Variants in DHX16 observed in about 807,000 individuals in gnomAD.
DHX16 encodes DEAH-box helicase 16.
DHX16 carries 81 observed loss-of-function variants against 131.2 expected under a neutral mutation model. The observed-to-expected ratio is 0.62, with a 90% CI of 0.52 to 0.74. The LOEUF (loss-of-function observed/expected upper bound fraction) is 0.74. Ranked by LOEUF, DHX16 falls within the 30% of genes least tolerant of loss-of-function variation. The pLI, the probability that DHX16 is intolerant of heterozygous loss-of-function variation, is 0.00. For missense variants in DHX16, 980 were observed against 1,363.1 expected, an observed-to-expected ratio of 0.72 and a Z score of 4.43; for synonymous variants, 440 against 520.2, an observed-to-expected ratio of 0.85 and a Z score of 2.10.
In DHX16 at chr6:30,670,695, T is replaced by G; in HGVS notation, c.609+95A>C. ...GAACATCTCACTAGAGACAGCCCCT[T>G]GTCTTCCCAGAGATCACTATCTCTG... is the stretch of plus-strand genomic sequence containing the variant. On this transcript the variant is annotated intron_variant, in intron 3 of 19. Coordinates refer to ENST00000376442, the MANE Select transcript of DHX16 (RefSeq NM_003587.5). The surrounding 1 kb of genome is among the most constrained non-coding windows in gnomAD (Gnocchi z 4.4). 1 of 1,537,650 alleles carries G rather than the reference T, an allele frequency of 6.5e-7. No homozygotes were observed. Among genetic ancestry groups the G allele is most frequent in the Non-Finnish European group, 8.9e-7 (1 of 1,127,156 alleles).
chr6:30,662,664 G>T lies in DHX16; in HGVS notation c.1507C>A (p.Arg503=), dbSNP rs762169796. 1 of 1,613,110 alleles carries T rather than the reference G, an allele frequency of 6.2e-7. No homozygotes were observed. The highest frequency in any genetic ancestry group is 1.1e-5 in the South Asian group (1 of 91,084). ...AGGTCAGGCTCAGAGAGGAACTCCC[G>T]GAGAAGCATCCCATCTGTCATGTAG... is the stretch of plus-strand genomic sequence containing the variant. The part of the protein sequence containing the change: ...LRYMTDGMLL[R]EFLSEPDLAS... The change falls in exon 9 of 20, where the codon CGG becomes AGG. Residue 503 remains arginine (R), a synonymous_variant. Coordinates refer to ENST00000376442, the MANE Select transcript of DHX16 (RefSeq NM_003587.5). The surrounding 1 kb of genome is among the most constrained non-coding windows in gnomAD (Gnocchi z 4.7).
At position 30,662,269 on chromosome 6, in the gene DHX16, C is replaced by T. The variant is rs1055504205; in HGVS notation, c.1544+358G>A. ...GTCGTGTAGGGTCACATAAAACAAT[C>T]TGATCCTTCTTTCCATGTAACAGCC... On this transcript the variant is annotated intron_variant, in intron 9 of 19. Transcript: ENST00000376442. This position sits in a 1 kb window ranked among gnomAD's most constrained non-coding sequence, Gnocchi z 4.7. Among the ~76,000 whole-genome samples the T allele has an allele frequency of 1.3e-5, 2 of 151,432 alleles. No homozygotes were observed. Among genetic ancestry groups the T allele is most frequent in the African/African-American group, 4.9e-5 (2 of 41,200 alleles).
At chr6:30,660,282 G>A in intron 9 of DHX16, 40 bp from the exon 10 acceptor site, 1 of 1,472,932 alleles carries the variant, frequency 6.8e-7, no homozygotes, top group South Asian at 1.4e-5. Context: ...AAGAGCGCTA[G>A]GCAATGCAGT....
Position 30,665,343 on chromosome 6 carries a change from TTAC to T in DHX16, c.922-72_922-70del. 1 of 1,590,370 alleles carries T rather than the reference TTAC, an allele frequency of 6.3e-7. No individual in the cohort carries two copies. The highest frequency in any genetic ancestry group is 8.5e-7 in the Non-Finnish European group (1 of 1,170,250). On this transcript the variant is annotated intron_variant, in intron 5 of 19. Transcript: ENST00000376442. This position sits in a 1 kb window ranked among gnomAD's most constrained non-coding sequence, Gnocchi z 4.8. ...CTCTCTGCCCTCTCCCCTCTTCCCA[TTAC>T]TACCCCCGCCCACTGCCCATTGGGA...
chr6:30,653,728 G>T (rs1042511054), intron 19 of DHX16, among the ~76,000 whole-genome samples: 7 of 136,400 alleles, frequency 5.1e-5, no homozygotes, highest in Non-Finnish European at 1.1e-4. Flanking sequence ...TGACTGCAGG[G>T]CTAGGTGTAA....
chr6:30,653,472 GC>G, intron 19 of DHX16, 102 bp from the exon 20 acceptor site: 1 of 1,356,526 alleles, frequency 7.4e-7, no homozygotes, highest in Non-Finnish European at 9.8e-7. Flanking sequence ...TTGCTCTATT[GC>G]CCAGGCTGGA....
chr6:30,662,939 C>CG lies in DHX16; in HGVS notation c.1399dup (p.Arg467ProfsTer10), dbSNP rs1768654188. The stretch of plus-strand genomic sequence containing the variant: ...ATTCCCAAGCTTCACACCCATCTCC[C>CG]GGGCCACTCGGGCGGCCACACTCAT... On this transcript the variant is annotated frameshift_variant, in exon 8 of 20. Transcript: ENST00000376442. LOFTEE classifies it high-confidence loss of function. The surrounding 1 kb of genome is among the most constrained non-coding windows in gnomAD (Gnocchi z 4.7). The CG allele has an allele frequency of 1.2e-6, 2 of 1,613,252 alleles. No individual in the cohort carries two copies. The highest frequency in any genetic ancestry group is 1.7e-6 in the Non-Finnish European group (2 of 1,180,024).
rs772658706 is a variant in DHX16, at chr6:30,664,889, G to A, written c.1229C>T (p.Ala410Val). 2.9e-5 allele frequency: 46 copies of A among 1,613,386 alleles called. No homozygotes were observed. The highest frequency in any genetic ancestry group is 3.7e-5 in the Non-Finnish European group (44 of 1,180,006). The change falls in exon 7 of 20, where the codon GCT becomes GTT. Residue 410 changes from alanine to valine, a missense_variant. Coordinates refer to ENST00000376442, the MANE Select transcript of DHX16 (RefSeq NM_003587.5). Reference sequence around the variant, plus strand: ...GAGGACTTGGTGATTTGCAATAGCAGCCAGGAGCTCCTCTCGAAATGGGAA... The same window carrying A: ...GAGGACTTGGTGATTTGCAATAGCAACCAGGAGCTCCTCTCGAAATGGGAA... ...PVFPFREELLAAIANHQVLII... is the reference protein window; with the variant it reads ...PVFPFREELLVAIANHQVLII...
At position 30,665,002 on chromosome 6, in the gene DHX16, GAGA is replaced by G. The variant is rs760217373; in HGVS notation, c.1126-13_1126-11del. On this transcript the variant is annotated splice_polypyrimidine_tract_variant and intron_variant, in intron 6 of 19. Coordinates refer to ENST00000376442, the MANE Select transcript of DHX16 (RefSeq NM_003587.5). This position sits in a 1 kb window ranked among gnomAD's most constrained non-coding sequence, Gnocchi z 4.8. The stretch of plus-strand genomic sequence containing the variant: ...GTGGAGCTGACGGCTCCTAAGGAAA[GAGA>G]AGGAGGTGTGAGCTAAATAGCTCGC... 2.1e-4 allele frequency: 332 copies of G among 1,613,920 alleles called. 6 individuals are homozygous for G. In the South Asian group the frequency reaches 3.4e-3, roughly 17 times the overall value.
At chr6:30,661,561 A>C (rs1033992082) in intron 9 of DHX16, among the ~76,000 whole-genome samples, 4 of 152,208 alleles carry the variant, frequency 2.6e-5, no homozygotes, top group African/African-American at 9.6e-5. Flanking sequence ...TCTTTTGGAG[A>C]CAGGAGCAAG....
intron 1 of DHX16, 93 bp from the exon 2 acceptor site, chr6:30,671,367 C>A (rs1769535498): frequency 5.7e-6 from 7 of 1,233,284 alleles, no homozygotes; most frequent in Non-Finnish European, 8.0e-6. Flanking sequence ...ATTACTTAGT[C>A]TTTCCTGCCC....
intron 11 of DHX16, 45 bp downstream of exon 11, chr6:30,659,691 C>T: frequency 6.2e-7 from 1 of 1,612,844 alleles, no homozygotes; most frequent in Non-Finnish European, 8.5e-7. Context: ...CCGGCCCTGT[C>T]TTCCCCTGGG....
At position 30,656,925 on chromosome 6, in the gene DHX16, C is replaced by G; in HGVS notation, c.2148+27G>C. Reference sequence around the variant, plus strand: ...TTCTCTGTGGGCCAACTCCACCTCCCCCACTCCCATGCATCCCCAGGCTGA... The same window carrying G: ...TTCTCTGTGGGCCAACTCCACCTCCGCCACTCCCATGCATCCCCAGGCTGA... On this transcript the variant is annotated intron_variant, in intron 13 of 19. Coordinates refer to ENST00000376442, the MANE Select transcript of DHX16 (RefSeq NM_003587.5). This position sits in a 1 kb window ranked among gnomAD's most constrained non-coding sequence, Gnocchi z 5.1. 6.2e-7 allele frequency: 1 copy of G among 1,604,852 alleles called. No individual in the cohort carries two copies. Among genetic ancestry groups the G allele is most frequent in the East Asian group, 2.2e-5 (1 of 44,762 alleles).
intron 9 of DHX16, chr6:30,661,654 T>C (rs1768527972): frequency 1.0e-5 from 7 of 686,440 alleles, no homozygotes; most frequent in South Asian, 3.1e-5. Flanking sequence ...TGACACCTTC[T>C]TTCTCTTTGT....
chr6:30,665,572 C>A lies in DHX16; in HGVS notation c.828G>T (p.Val276=). The A allele has an allele frequency of 1.2e-6, 2 of 1,613,056 alleles. No individual in the cohort carries two copies. Among genetic ancestry groups the A allele is most frequent in the Non-Finnish European group, 1.7e-6 (2 of 1,180,046 alleles). ...CCCGGTACTCCCGGGCGAGATCCCGCACTCGCCGCTTATATTTGAGCTCCT... is the reference window on the plus strand; with the variant it reads ...CCCGGTACTCCCGGGCGAGATCCCGAACTCGCCGCTTATATTTGAGCTCCT... The part of the protein sequence containing the change: ...ERQELKYKRR[V]RDLAREYRAA... The change falls in exon 5 of 20, where the codon GTG becomes GTT. Residue 276 remains valine, a synonymous_variant. Transcript: ENST00000376442. This position sits in a 1 kb window ranked among gnomAD's most constrained non-coding sequence, Gnocchi z 4.8.
Position 30,671,038 on chromosome 6 carries a change from T to C in DHX16, c.444A>G (p.Thr148=). ...EEASEKGKKK[T]GGSKQQTEKP... is the part of the protein sequence containing the mutation. ...CTCTCACCCTGCTTCTGACTTACCC[T>C]GTTTTCTTCTTCCCTTTCTCAGAAG... The change falls in exon 2 of 20, where the codon ACA becomes ACG. Residue 148 remains threonine (T), a splice_region_variant and synonymous_variant. Coordinates refer to ENST00000376442, the MANE Select transcript of DHX16 (RefSeq NM_003587.5). 1 of 1,613,044 alleles carries C rather than the reference T, an allele frequency of 6.2e-7. No homozygotes were observed. Among genetic ancestry groups the C allele is most frequent in the Non-Finnish European group, 8.5e-7 (1 of 1,179,998 alleles).
At position 30,671,055 on chromosome 6, in the gene DHX16, T is replaced by C; in HGVS notation, c.427A>G (p.Lys143Glu). 6.2e-7 allele frequency: 1 copy of C among 1,613,074 alleles called. No individual in the cohort carries two copies. The highest frequency in any genetic ancestry group is 1.3e-5 in the African/African-American group (1 of 75,030). ...EEEEEEEASE[K>E]GKKKTGGSKQ... The stretch of plus-strand genomic sequence containing the variant: ...ACTTACCCTGTTTTCTTCTTCCCTT[T>C]CTCAGAAGCCTCTTCCTCCTCTTCT... Residue 143 changes from lysine to glutamate, a missense_variant, in exon 2 of 20, where the codon AAA (lysine) becomes GAA (glutamate). Physicochemically the swap from Lys to Glu is moderately conservative, Grantham distance 56 (BLOSUM62 1). Coordinates refer to ENST00000376442, the MANE Select transcript of DHX16 (RefSeq NM_003587.5).
At position 30,659,443 on chromosome 6, in the gene DHX16, G is replaced by C. The variant is rs976494127; in HGVS notation, c.2007+29C>G. 2.6e-6 allele frequency: 4 copies of C among 1,566,736 alleles called. No individual in the cohort carries two copies. The African/African-American group carries it at 5.4e-5, about 21-fold the overall frequency. ...CACTACTAGTTGTGGGAAGCATAGG[G>C]GTGAAGAGTGTGGGTTTCTCCAACT... On this transcript the variant is annotated intron_variant, in intron 12 of 19. Transcript: ENST00000376442.
At chr6:30,669,105 C>CA (rs936562258) in intron 4 of DHX16, among the ~76,000 whole-genome samples, 2 of 151,290 alleles carry the variant, frequency 1.3e-5, no homozygotes, top group African/African-American at 4.9e-5. Context: ...AACTCTGTTT[C>CA]AAAAAAATAA....
Sources: allele counts gnomAD v4.1 joint callset (sites outside exome capture counted in the v4.1 genomes callset), GRCh38; gene constraint gnomAD v4.1.1; non-coding constraint Gnocchi (gnomAD v3.1); transcripts MANE v1.5; gene names NCBI Gene and HGNC (gene_info 2026-07-23, HGNC 2026-07-21).